The following MAGI2 variants were observed in gnomAD, a reference collection of about 807,000 sequenced individuals.
The protein encoded by MAGI2 is membrane-associated guanylate kinase, WW and PDZ domain-containing protein 2.
A neutral mutation model predicts 133.3 loss-of-function variants in MAGI2; 35 were observed. That is an observed-to-expected ratio of 0.26 (90% CI 0.20 to 0.35). MAGI2 has a LOEUF of 0.35. Ranked by LOEUF, MAGI2 falls within the 10% of genes least tolerant of loss-of-function variation. The pLI is 1.00. For synonymous variants in MAGI2, 729 were observed against 710.6 expected, an observed-to-expected ratio of 1.03 and a Z score of -0.41; for missense variants, 1,636 against 1,863.4, an observed-to-expected ratio of 0.88 and a Z score of 2.25.
At chr7:79,074,155 T>G (rs1815246275) in intron 1 of MAGI2, among the ~76,000 whole-genome samples, 1 of 152,194 alleles carries the variant, frequency 6.6e-6, no homozygotes, top group Non-Finnish European at 1.5e-5. Flanking sequence ...TGTTGCCACC[T>G]TATCATACAC....
intron 1 of MAGI2, among the ~76,000 whole-genome samples, chr7:79,409,100 A>G (rs1325264337): frequency 6.6e-6 from 1 of 152,104 alleles, no homozygotes; most frequent in Non-Finnish European, 1.5e-5. Flanking sequence ...CTTATACAAC[A>G]TTTTTTCACA....
At chr7:78,787,175 T>A (rs1046881207) in intron 2 of MAGI2, among the ~76,000 whole-genome samples, 2 of 152,266 alleles carry the variant, frequency 1.3e-5, no homozygotes, top group African/African-American at 4.8e-5. Context: ...CTCGATCTCC[T>A]GACCTCATGA....
chr7:78,324,211 ACAC>A (rs1788342794), intron 9 of MAGI2, among the ~76,000 whole-genome samples: 1 of 150,540 alleles, frequency 6.6e-6, no homozygotes, highest in South Asian at 2.1e-4. Context: ...ACACTACACT[ACAC>A]TTTAGAAGCC....
chr7:78,984,337 T>A (rs569120774), intron 2 of MAGI2, among the ~76,000 whole-genome samples: 9 of 152,092 alleles, frequency 5.9e-5, no homozygotes, highest in African/African-American at 1.9e-4. Context: ...ATAACATCCC[T>A]TCTGTGTTCA....
chr7:79,400,939 A>T (rs1845428544), intron 1 of MAGI2, among the ~76,000 whole-genome samples: 1 of 152,098 alleles, frequency 6.6e-6, no homozygotes, highest in South Asian at 2.1e-4. Flanking sequence ...TCTCAATATG[A>T]CAGATCTTGA....
intron 10 of MAGI2, among the ~76,000 whole-genome samples, chr7:78,236,510 T>G (rs996709809): frequency 2.0e-5 from 3 of 152,172 alleles, no homozygotes; most frequent in African/African-American, 7.2e-5. Flanking sequence ...ACAGTCCTTG[T>G]TCTTGAGGGA....
intron 18 of MAGI2, among the ~76,000 whole-genome samples, chr7:78,130,027 T>C (rs1426431355): frequency 6.6e-6 from 1 of 152,090 alleles, no homozygotes; most frequent in Non-Finnish European, 1.5e-5. Flanking sequence ...CCAATGCTCT[T>C]TCACTGACCT....
chr7:78,623,484 T>C (rs974110570), intron 3 of MAGI2, among the ~76,000 whole-genome samples: 4 of 152,114 alleles, frequency 2.6e-5, no homozygotes, highest in Admixed American at 2.6e-4. Flanking sequence ...CTTTATATTA[T>C]GAACACAACT....
intron 2 of MAGI2, among the ~76,000 whole-genome samples, chr7:78,949,780 T>A (rs1157866389): frequency 6.6e-6 from 1 of 152,206 alleles, no homozygotes; most frequent in Admixed American, 6.5e-5. Context: ...GTGACAGCCA[T>A]GAAGGTGCAT....
chr7:78,287,597 G>C (rs1051020574), intron 9 of MAGI2, among the ~76,000 whole-genome samples: 2 of 152,038 alleles, frequency 1.3e-5, no homozygotes, highest in Non-Finnish European at 2.9e-5. Context: ...GAGTCATAAA[G>C]GAAATCTGTA....
At chr7:79,156,866 G>C (rs1422136538) in intron 1 of MAGI2, among the ~76,000 whole-genome samples, 2 of 152,040 alleles carry the variant, frequency 1.3e-5, no homozygotes, top group Non-Finnish European at 2.9e-5. Context: ...CCTCAGAGAA[G>C]TCTCAGAACC....
chr7:78,387,966 AAATAAAT>A (rs1562928531), intron 6 of MAGI2, among the ~76,000 whole-genome samples: 79 of 98,090 alleles, frequency 8.1e-4, no homozygotes, highest in Non-Finnish European at 1.4e-3. Context: ...ATAAATAAAT[AAATAAAT>A]AAAATAATAA....
intron 1 of MAGI2, among the ~76,000 whole-genome samples, chr7:79,097,893 G>A (rs936743416): frequency 1.2e-4 from 18 of 152,072 alleles, no homozygotes; most frequent in African/African-American, 4.3e-4. Context: ...AGGCAGAGGT[G>A]GGCAGATCAC....
At position 78,167,437 on chromosome 7, in the gene MAGI2, C is replaced by T. The variant is rs202114650; in HGVS notation, c.2596+479G>A. Among the ~76,000 whole-genome samples the T allele has an allele frequency of 7.9e-5, 12 of 152,088 alleles. No homozygotes were observed. The East Asian group carries it at 9.6e-4, about 12-fold the overall frequency. On this transcript the variant is annotated intron_variant, in intron 15 of 21. Transcript: ENST00000354212. ...CTATATGAACTGTGTTTTCTTGGAGCGAGGTACAGCTGTATTTTTTCTATA... is the reference window on the plus strand; with the variant it reads ...CTATATGAACTGTGTTTTCTTGGAGTGAGGTACAGCTGTATTTTTTCTATA...
intron 10 of MAGI2, among the ~76,000 whole-genome samples, chr7:78,213,769 G>A (rs902118955): frequency 6.6e-6 from 1 of 152,238 alleles, no homozygotes; most frequent in African/African-American, 2.4e-5. Context: ...ATGCGACAGT[G>A]TTGGGGTGTC....
At chr7:78,935,035 T>G (rs1288372348) in intron 2 of MAGI2, among the ~76,000 whole-genome samples, 2 of 152,106 alleles carry the variant, frequency 1.3e-5, no homozygotes, top group East Asian at 3.9e-4. Context: ...AAAGAGACAC[T>G]TACAAAGATC....
chr7:78,371,410 A>G (rs1043389931), intron 6 of MAGI2, among the ~76,000 whole-genome samples: 3 of 152,078 alleles, frequency 2.0e-5, no homozygotes, highest in African/African-American at 4.8e-5. Context: ...GAATGCAACA[A>G]TATATAAAAC....
At chr7:78,248,771 T>G (rs1314898535) in intron 10 of MAGI2, among the ~76,000 whole-genome samples, 1 of 152,094 alleles carries the variant, frequency 6.6e-6, no homozygotes, top group East Asian at 1.9e-4. Context: ...AAAGGTACTA[T>G]AGTAAAACAT....
At chr7:78,526,116 A>G (rs1200721208) in intron 3 of MAGI2, among the ~76,000 whole-genome samples, 3 of 152,216 alleles carry the variant, frequency 2.0e-5, no homozygotes, top group Non-Finnish European at 4.4e-5. Flanking sequence ...TGGAAAACTT[A>G]TATCTCTTTG....
Sources: gnomAD v4.1 joint callset for allele counts (sites outside exome capture counted in the v4.1 genomes callset) on GRCh38, gnomAD v4.1.1 for gene constraint, MANE v1.5 for transcripts, NCBI Gene and HGNC (gene_info 2026-07-23, HGNC 2026-07-21) for gene names.